Variants in TMEM242 observed in about 807,000 individuals in gnomAD.
TMEM242 encodes transmembrane protein 242, also known as UPF0463 transmembrane protein C6orf35.
In TMEM242, 10 loss-of-function variants were observed where a neutral mutation model predicts 18.2. The ratio of observed to expected loss-of-function variants is 0.55; its 90% CI spans 0.34 to 0.93. The LOEUF is 0.93. Ranked by LOEUF, TMEM242 falls within the 40% of genes least tolerant of loss-of-function variation. TMEM242 has a pLI of 0.02. For synonymous variants in TMEM242, 57 were observed against 69.9 expected (o/e 0.81, Z 0.92); for missense variants, 186 against 175.5 (o/e 1.06, Z -0.34).
intron 3 of TMEM242, among the ~76,000 whole-genome samples, chr6:157,314,205 T>C (rs200150944): frequency 0.079 from 263 of 3,312 alleles, no homozygotes; most frequent in Admixed American, 0.11. Context: ...TGCGCTCACC[T>C]GGCCTCATCA....
At chr6:157,306,544 A>G (rs1227821893) in intron 3 of TMEM242, among the ~76,000 whole-genome samples, 4 of 152,110 alleles carry the variant, frequency 2.6e-5, no homozygotes, top group African/African-American at 9.7e-5. Flanking sequence ...ACTGAGGGAC[A>G]CACGGGATGC....
intron 3 of TMEM242, among the ~76,000 whole-genome samples, chr6:157,296,717 A>C (rs974899911): frequency 5.9e-5 from 9 of 152,032 alleles, no homozygotes; most frequent in African/African-American, 1.5e-4. Context: ...CCAAGACATG[A>C]ATGGTACTCC....
chr6:157,291,765 G>T lies in TMEM242; in HGVS notation c.*1136C>A, dbSNP rs201521276. 1 of 98,974 alleles carries T rather than the reference G, an allele frequency of 1.0e-5. No individual in the cohort carries two copies. Among genetic ancestry groups the T allele is most frequent in the Non-Finnish European group, 2.5e-5 (1 of 40,348 alleles). 6.1% of individuals were successfully genotyped at this position (98,974 alleles called of 1,614,324 possible). On this transcript the variant is annotated 3_prime_UTR_variant, in exon 4 of 4. Transcript: ENST00000400788. ...TCTCCCTTAGAATAAAAGGTTTCAT[G>T]ATAACAGAAATTTCAAATGTCCTTT...
At chr6:157,318,150 A>ATT (rs1294443760) in intron 3 of TMEM242, 1 of 152,260 alleles carries the variant, frequency 6.6e-6, no homozygotes, top group African/African-American at 2.4e-5. Context: ...TTTTACAAAG[A>ATT]TTATATATAT....
intron 3 of TMEM242, among the ~76,000 whole-genome samples, chr6:157,311,664 C>A (rs1362386177): frequency 3.1e-4 from 31 of 99,922 alleles, no homozygotes; most frequent in Non-Finnish European, 3.8e-4. Context: ...GTGCACTCAC[C>A]CGGCCTCATC....
At chr6:157,308,253 T>C (rs1777942476) in intron 3 of TMEM242, among the ~76,000 whole-genome samples, 1 of 152,222 alleles carries the variant, frequency 6.6e-6, no homozygotes, top group South Asian at 2.1e-4. Context: ...GGAATAAACG[T>C]ACTGATAAGA....
At chr6:157,314,367 C>CGCTAAACT (rs1778344292) in intron 3 of TMEM242, among the ~76,000 whole-genome samples, 6 of 54,154 alleles carry the variant, frequency 1.1e-4, no homozygotes, top group African/African-American at 2.0e-4. Context: ...TCCCAGCATG[C>CGCTAAACT]ATTCCCATGA....
chr6:157,303,430 A>G (rs1339478620), intron 3 of TMEM242, among the ~76,000 whole-genome samples: 1 of 152,232 alleles, frequency 6.6e-6, no homozygotes, highest in African/African-American at 2.4e-5. Context: ...AAGCTAAAAG[A>G]TTTTGTGGCT....
At chr6:157,304,084 T>C (rs1777869176) in intron 3 of TMEM242, among the ~76,000 whole-genome samples, 1 of 152,216 alleles carries the variant, frequency 6.6e-6, no homozygotes, top group Non-Finnish European at 1.5e-5. Context: ...TTATACATAA[T>C]TTCTGATGCA....
intron 3 of TMEM242, among the ~76,000 whole-genome samples, chr6:157,314,304 A>T (rs1554250101): frequency 6.6e-6 from 1 of 152,104 alleles, no homozygotes; most frequent in African/African-American, 2.4e-5. Context: ...GTGTGCACTC[A>T]CCTGGCCTCA....
intron 3 of TMEM242, among the ~76,000 whole-genome samples, chr6:157,307,006 G>A (rs1777925655): frequency 6.6e-6 from 1 of 152,134 alleles, no homozygotes; most frequent in Non-Finnish European, 1.5e-5. Flanking sequence ...TGATATACCG[G>A]TAAGTGAATA....
At chr6:157,299,586 T>C in intron 3 of TMEM242, 1 of 1,579,446 alleles carries the variant, frequency 6.3e-7, no homozygotes, top group Non-Finnish European at 8.7e-7. Flanking sequence ...TAAGTTAAGT[T>C]ATCCACTGGA....
At chr6:157,320,099 A>C (rs1778468660) in intron 2 of TMEM242, among the ~76,000 whole-genome samples, 1 of 152,234 alleles carries the variant, frequency 6.6e-6, no homozygotes, top group Non-Finnish European at 1.5e-5. Context: ...TAAACGCATT[A>C]ACTGTGTGCT....
chr6:157,323,441 G>A lies in TMEM242; in HGVS notation c.59C>T (p.Ser20Phe). The change falls in exon 1 of 4, where the codon TCC becomes TTC. Residue 20 changes from serine (S) to phenylalanine (F), a missense_variant. Physicochemically the swap from Ser to Phe is radical, Grantham distance 155. Coordinates refer to ENST00000400788, the MANE Select transcript of TMEM242 (RefSeq NM_018452.6). ...QPASGLEAPG[S>F]TNDRLFLVKG... Reference sequence around the variant, plus strand: ...AACCAGGAAAAGCCGGTCATTCGTGGACCCCGGAGCCTCCAGCCCAGAGGC... The same window carrying A: ...AACCAGGAAAAGCCGGTCATTCGTGAACCCCGGAGCCTCCAGCCCAGAGGC... The A allele has an allele frequency of 6.2e-7, 1 of 1,614,094 alleles. No individual in the cohort carries two copies. Among genetic ancestry groups the A allele is most frequent in the Non-Finnish European group, 8.5e-7 (1 of 1,179,970 alleles).
chr6:157,299,027 T>G (rs1401657769), intron 3 of TMEM242: 7 of 298,282 alleles, frequency 2.3e-5, no homozygotes, highest in Non-Finnish European at 4.1e-5. Flanking sequence ...AATTTCAGAA[T>G]GGTAGTTTTA....
intron 3 of TMEM242, 21 bp from the exon 4 acceptor site, chr6:157,293,020 A>C: frequency 1.3e-6 from 2 of 1,579,730 alleles, no homozygotes; most frequent in African/African-American, 1.3e-5. Context: ...AAAAATAATC[A>C]GTTATCAAAT....
At chr6:157,322,611 G>A in intron 2 of TMEM242, 94 bp downstream of exon 2, 4 of 1,031,442 alleles carry the variant, frequency 3.9e-6, no homozygotes, top group South Asian at 1.6e-5. Flanking sequence ...TTAAAGCAAT[G>A]TGAAAGACCA....
intron 3 of TMEM242, chr6:157,318,425 A>T (rs1778441726): frequency 3.6e-6 from 1 of 277,272 alleles, no homozygotes; most frequent in East Asian, 6.2e-5. Context: ...GTTTCTTTAC[A>T]TTGCCCAGGC....
In TMEM242 at chr6:157,312,693, T is replaced by C. The variant is rs868960040; in HGVS notation, c.327+6089A>G. Among the ~76,000 whole-genome samples, 8 of 151,620 alleles carry C rather than the reference T, an allele frequency of 5.3e-5. No individual in the cohort carries two copies. The South Asian group carries it at 6.3e-4, about 12-fold the overall frequency. On this transcript the variant is annotated intron_variant, in intron 3 of 3. Transcript: ENST00000400788. ...GTGCACTCACCTAGCCTCATCATAGTGTCCCAGTGTGCGCTCACCTGGCCT... is the reference window on the plus strand; with the variant it reads ...GTGCACTCACCTAGCCTCATCATAGCGTCCCAGTGTGCGCTCACCTGGCCT...
Sources: allele counts gnomAD v4.1 joint callset (sites outside exome capture counted in the v4.1 genomes callset), GRCh38; gene constraint gnomAD v4.1.1; transcripts MANE v1.5; gene names NCBI Gene and HGNC (gene_info 2026-07-23, HGNC 2026-07-21).